TTC7B: variants seen among roughly 807,000 people sequenced by gnomAD.
TTC7B encodes the protein tetratricopeptide repeat protein 7B.
TTC7B carries 28 observed loss-of-function variants against 106.8 expected under a neutral mutation model. The observed-to-expected ratio is 0.26, with a 90% CI of 0.19 to 0.36. The LOEUF (loss-of-function observed/expected upper bound fraction) is 0.36, where lower values mean the gene tolerates loss of function less well. TTC7B is among the 10% of genes least tolerant of loss of function. TTC7B has a pLI of 1.00. For missense variants in TTC7B, 862 were observed against 1,076.4 expected (o/e 0.80, Z 2.79); for synonymous variants, 405 against 430.6 (o/e 0.94, Z 0.74).
At position 90,600,751 on chromosome 14, in the gene TTC7B, T is replaced by C. The variant is rs1406374767; in HGVS notation, c.1967-7125A>G. Among the ~76,000 whole-genome samples, 1 of 152,020 alleles carries C rather than the reference T, an allele frequency of 6.6e-6. No individual in the cohort carries two copies. The highest frequency in any genetic ancestry group is 1.9e-4 in the East Asian group (1 of 5,158). ...GGGCCAGGTGGTCACACAGAAAGCA[T>C]GGAGGGAAGCCGTTCACACGCATGC... is the stretch of plus-strand genomic sequence containing the variant. On this transcript the variant is annotated intron_variant, in intron 17 of 19. Coordinates refer to ENST00000328459, the MANE Select transcript of TTC7B (RefSeq NM_001010854.2). The surrounding 1 kb of genome is among the most constrained non-coding windows in gnomAD (Gnocchi z 4.3).
intron 3 of TTC7B, chr14:90,766,931 A>G: frequency 6.6e-7 from 1 of 1,525,694 alleles, no homozygotes; most frequent in South Asian, 1.1e-5. Context: ...GTCCAAAGTC[A>G]GCACACCAAG....
intron 4 of TTC7B, among the ~76,000 whole-genome samples, chr14:90,739,499 T>C (rs539643579): frequency 2.0e-5 from 3 of 152,276 alleles, no homozygotes; most frequent in African/African-American, 7.2e-5. Flanking sequence ...GCGACATCAC[T>C]GCAAATCCCT....
Position 90,657,212 on chromosome 14 carries a change from G to C in TTC7B, c.1303C>G (p.Leu435Val). 1 of 1,614,176 alleles carries C rather than the reference G, an allele frequency of 6.2e-7. No individual in the cohort carries two copies. The highest frequency in any genetic ancestry group is 8.5e-7 in the Non-Finnish European group (1 of 1,180,026). Residue 435 changes from leucine to valine, a missense_variant, in exon 11 of 20, where the codon CTC (leucine) becomes GTC (valine). Coordinates refer to ENST00000328459, the MANE Select transcript of TTC7B (RefSeq NM_001010854.2). The surrounding 1 kb of genome is among the most constrained non-coding windows in gnomAD (Gnocchi z 4.2). ...RLKPDDATIP[L>V]LAAKLCMGSL... ...CCCATGCAGAGCTTGGCAGCGAGGA[G>C]AGGGATGGTGGCATCGTCTGGCTTC...
At chr14:90,629,860 A>T (rs1884617487) in intron 15 of TTC7B, among the ~76,000 whole-genome samples, 1 of 152,210 alleles carries the variant, frequency 6.6e-6, no homozygotes, top group African/African-American at 2.4e-5. Context: ...TGTGGCTGAC[A>T]GGGAGGCTGG....
At chr14:90,718,796 C>G (rs1888758999) in intron 5 of TTC7B, among the ~76,000 whole-genome samples, 1 of 127,558 alleles carries the variant, frequency 7.8e-6, no homozygotes, top group Non-Finnish European at 1.8e-5. Context: ...CAACTATACA[C>G]CAGACACTGG....
chr14:90,566,542 GA>G (rs1022003780), intron 19 of TTC7B, among the ~76,000 whole-genome samples: 3 of 151,500 alleles, frequency 2.0e-5, no homozygotes, highest in African/African-American at 7.3e-5. Flanking sequence ...CTCAAAAAAA[GA>G]AAAAAAAGAA....
chr14:90,707,085 CAG>C (rs1888241448), intron 5 of TTC7B, among the ~76,000 whole-genome samples: 1 of 152,168 alleles, frequency 6.6e-6, no homozygotes. Flanking sequence ...CTCAAGGACA[CAG>C]GGGATGATGG....
chr14:90,726,227 AG>A (rs1238984220), intron 5 of TTC7B, among the ~76,000 whole-genome samples: 1 of 152,224 alleles, frequency 6.6e-6, no homozygotes, highest in Non-Finnish European at 1.5e-5. Flanking sequence ...GGGGAACCCG[AG>A]GGTGAGGCCG....
At chr14:90,626,273 A>G (rs752291454) in intron 15 of TTC7B, among the ~76,000 whole-genome samples, 1 of 152,226 alleles carries the variant, frequency 6.6e-6, no homozygotes, top group Non-Finnish European at 1.5e-5. Flanking sequence ...GACATTTTTC[A>G]GGATGTATTT....
intron 5 of TTC7B, among the ~76,000 whole-genome samples, chr14:90,711,564 G>A (rs1888448217): frequency 1.3e-5 from 2 of 152,164 alleles, no homozygotes; most frequent in African/African-American, 4.8e-5. Flanking sequence ...TGGGATTACA[G>A]GTGCCCACCA....
chr14:90,779,821 A>G (rs527362330), intron 3 of TTC7B, among the ~76,000 whole-genome samples: 1 of 152,298 alleles, frequency 6.6e-6, no homozygotes, highest in East Asian at 1.9e-4. Flanking sequence ...ATTATCTCAC[A>G]CTAGAGTGCA....
At chr14:90,614,695 T>C (rs1054215476) in intron 16 of TTC7B, among the ~76,000 whole-genome samples, 1 of 152,266 alleles carries the variant, frequency 6.6e-6, no homozygotes, top group Non-Finnish European at 1.5e-5. Flanking sequence ...AGCTTCAATT[T>C]TATTTTCTGT....
In TTC7B at chr14:90,542,088, C is replaced by T. The variant is rs189034706; in HGVS notation, c.2311-499G>A. On this transcript the variant is annotated intron_variant, in intron 19 of 19. Coordinates refer to ENST00000328459, the MANE Select transcript of TTC7B (RefSeq NM_001010854.2). ...CCCAGTAGCTGGGACTACAGGCGCC[C>T]GCCACCACGCCCGGCTAATTTTTTG... Among the ~76,000 whole-genome samples, 304 of 152,194 alleles carry T rather than the reference C, an allele frequency of 2.0e-3. 1 individual carries two copies. The highest frequency in any genetic ancestry group is 7.0e-3 in the African/African-American group (290 of 41,528).
intron 15 of TTC7B, among the ~76,000 whole-genome samples, chr14:90,632,293 A>G (rs1362454043): frequency 6.6e-6 from 1 of 152,252 alleles, no homozygotes; most frequent in Non-Finnish European, 1.5e-5. Context: ...AAATTTGCCC[A>G]CAACCCCTGG....
chr14:90,648,242 G>A (rs1284677416), intron 13 of TTC7B: 1 of 152,176 alleles, frequency 6.6e-6, no homozygotes, highest in African/African-American at 2.4e-5. Flanking sequence ...CATTCCAGGG[G>A]ACTCTTCACT....
chr14:90,696,143 G>A (rs557888480), intron 5 of TTC7B, among the ~76,000 whole-genome samples: 43 of 152,244 alleles, frequency 2.8e-4, no homozygotes, highest in Admixed American at 1.4e-3. Flanking sequence ...AGGGTCAGAG[G>A]CCCCTTCTGA....
At chr14:90,568,530 G>C (rs1475853218) in intron 19 of TTC7B, among the ~76,000 whole-genome samples, 1 of 152,186 alleles carries the variant, frequency 6.6e-6, no homozygotes, top group Admixed American at 6.5e-5. Flanking sequence ...CTGAAGCAAA[G>C]GAATGCCTAG....
At chr14:90,561,264 A>G (rs1286496) in intron 19 of TTC7B, among the ~76,000 whole-genome samples, 87,498 of 152,094 alleles carry the variant, frequency 0.58, 25,537 homozygotes, top group Non-Finnish European at 0.63. Context: ...TCAGAAGGTC[A>G]CTGGCCAGCA....
chr14:90,781,612 G>A (rs573059052), intron 2 of TTC7B, among the ~76,000 whole-genome samples: 52 of 152,310 alleles, frequency 3.4e-4, no homozygotes, highest in African/African-American at 1.2e-3. Context: ...ATCCTGGTGG[G>A]TCTGGCCATG....
Sources: allele counts gnomAD v4.1 joint callset (sites outside exome capture counted in the v4.1 genomes callset), GRCh38; gene constraint gnomAD v4.1.1; non-coding constraint Gnocchi (gnomAD v3.1); transcripts MANE v1.5; gene names NCBI Gene and HGNC (gene_info 2026-07-23, HGNC 2026-07-21).